GRK4: variants seen among roughly 807,000 people sequenced by gnomAD.
GRK4 encodes G protein-coupled receptor kinase 4.
A neutral mutation model predicts 77.9 loss-of-function variants in GRK4; 73 were observed. That is an observed-to-expected ratio of 0.94 (90% CI 0.78 to 1.14). The LOEUF is 1.14. Among genes scored for constraint, GRK4 ranks in the 50% most tolerant of loss-of-function variants. The pLI, the probability that GRK4 is intolerant of heterozygous loss-of-function variation, is 0.00. For synonymous variants in GRK4, 257 were observed against 254.4 expected (o/e 1.01, Z -0.10); for missense variants, 729 against 700.2 (o/e 1.04, Z -0.46).
chr4:2,995,835 T>C (rs1727703749), intron 4 of GRK4, among the ~76,000 whole-genome samples: 1 of 152,080 alleles, frequency 6.6e-6, no homozygotes, highest in African/African-American at 2.4e-5. Context: ...TGACCCGAAT[T>C]CTCACTGGTT....
chr4:3,038,568 T>A (rs1464308834), intron 15 of GRK4, 55 bp downstream of exon 15: 12 of 1,294,452 alleles, frequency 9.3e-6, no homozygotes, highest in Non-Finnish European at 1.3e-5. Flanking sequence ...AAAAAAAACA[T>A]ACTGACTGCC....
intron 15 of GRK4, among the ~76,000 whole-genome samples, chr4:3,039,717 A>AAAT (rs397788826): frequency 2.0e-5 from 3 of 148,360 alleles, no homozygotes; most frequent in Admixed American, 1.3e-4. Flanking sequence ...AAAAAAAAAA[A>AAAT]GGAAAAAAAA....
chr4:3,030,020 C>G (rs1324925609), intron 12 of GRK4, among the ~76,000 whole-genome samples: 2 of 152,122 alleles, frequency 1.3e-5, no homozygotes, highest in Non-Finnish European at 2.9e-5. Context: ...AATAGCCAAG[C>G]CTTGTTTCAT....
At chr4:2,980,021 T>C (rs1359806805) in intron 1 of GRK4, among the ~76,000 whole-genome samples, 1 of 152,222 alleles carries the variant, frequency 6.6e-6, no homozygotes, top group East Asian at 1.9e-4. Flanking sequence ...ATGGTTCTTA[T>C]CTCAGACATG....
At chr4:3,000,809 C>T (rs912527777) in intron 4 of GRK4, among the ~76,000 whole-genome samples, 1 of 152,016 alleles carries the variant, frequency 6.6e-6, no homozygotes, top group Non-Finnish European at 1.5e-5. Context: ...ACCTCGTGAT[C>T]TGCCCACCTC....
At chr4:3,001,736 T>C (rs1011022462) in intron 4 of GRK4, among the ~76,000 whole-genome samples, 10 of 152,210 alleles carry the variant, frequency 6.6e-5, no homozygotes, top group African/African-American at 2.4e-4. Flanking sequence ...TCATGATTAA[T>C]TGTGATAATA....
rs192848474 is a variant in GRK4 at position 3,009,199 on chromosome 4, A to C, written c.537-449A>C. ...GCACTTTGGGAGGCTGAGGCGGGTG[A>C]ATCATGAGGTCAGGAGTTCGAGACC... On this transcript the variant is annotated intron_variant, in intron 6 of 15. Coordinates refer to ENST00000398052, the MANE Select transcript of GRK4 (RefSeq NM_182982.3). 8.3e-4 allele frequency among the ~76,000 whole-genome samples: 127 copies of C among 152,100 alleles called. 1 individual carries two copies. The highest frequency in any genetic ancestry group is 2.6e-3 in the Admixed American group (40 of 15,266).
rs1255134348 is a variant in GRK4, at chr4:2,984,650, G to A, written c.148+42G>A. On this transcript the variant is annotated intron_variant, in intron 2 of 15. Coordinates refer to ENST00000398052, the MANE Select transcript of GRK4 (RefSeq NM_182982.3). ...TACTAATGCTTGGATGGTACATCTG[G>A]CATGATACCATTCATTAGATGTTAT... is the stretch of plus-strand genomic sequence containing the variant. 3 of 1,026,118 alleles carry A rather than the reference G, an allele frequency of 2.9e-6. No individual in the cohort carries two copies. The African/African-American group carries it at 4.8e-5, about 16-fold the overall frequency. The allele number at this position is 1,026,118 out of a possible 1,614,324, so 63.6% of individuals were successfully genotyped here. A position where few individuals can be genotyped will look rare whatever the true frequency, so the allele number is the denominator to read the frequency against.
intron 1 of GRK4, among the ~76,000 whole-genome samples, chr4:2,976,631 C>CTTTTTTTTTTTTTT (rs769469513): frequency 5.1e-5 from 6 of 117,350 alleles, no homozygotes; most frequent in East Asian, 2.4e-4. Context: ...TTCTTTCTTT[C>CTTTTTTTTTTTTTT]TTTTTTTTTT....
chr4:2,968,050 C>G (rs987012888), intron 1 of GRK4, among the ~76,000 whole-genome samples: 1 of 151,412 alleles, frequency 6.6e-6, no homozygotes. Context: ...CTCAGCCTCC[C>G]AAAGTACTGG....
At chr4:3,025,624 C>T (rs1013002652) in intron 10 of GRK4, among the ~76,000 whole-genome samples, 2 of 151,822 alleles carry the variant, frequency 1.3e-5, no homozygotes, top group African/African-American at 4.8e-5. Context: ...GATCTCCTGA[C>T]CTTGTGATCC....
Position 2,964,030 on chromosome 4 carries a change from C to T in GRK4, c.-41C>T, listed in dbSNP as rs1716546319. 1 of 1,593,896 alleles carries T rather than the reference C, an allele frequency of 6.3e-7. No individual in the cohort carries two copies. The highest frequency in any genetic ancestry group is 8.6e-7 in the Non-Finnish European group (1 of 1,168,852). On this transcript the variant is annotated 5_prime_UTR_variant, in exon 1 of 16. Transcript: ENST00000398052. ...CCTCCTGTTCCGCCTCCTCAGTCTCCTCGGTCTCGCAGAATCCGCCGGCGG... is the reference window on the plus strand; with the variant it reads ...CCTCCTGTTCCGCCTCCTCAGTCTCTTCGGTCTCGCAGAATCCGCCGGCGG...
chr4:3,008,399 T>C (rs1731924095), intron 6 of GRK4, among the ~76,000 whole-genome samples: 1 of 152,162 alleles, frequency 6.6e-6, no homozygotes, highest in South Asian at 2.1e-4. Context: ...GTTCTATAAA[T>C]TACAGGTAAT....
chr4:2,975,330 A>G lies in GRK4; in HGVS notation c.53-9183A>G, dbSNP rs545305273. Among the ~76,000 whole-genome samples, 31 of 152,186 alleles carry G rather than the reference A, an allele frequency of 2.0e-4. No individual in the cohort carries two copies. In the South Asian group the frequency reaches 6.0e-3, roughly 30 times the overall value. On this transcript the variant is annotated intron_variant, in intron 1 of 15. Transcript: ENST00000398052. ...AAAAGACCGGAAAGACCTCTGCTCT[A>G]TTTCCTCCATGAGGGCCAGACGTGG...
At chr4:3,002,368 C>T (rs1467634545) in intron 4 of GRK4, among the ~76,000 whole-genome samples, 1 of 152,020 alleles carries the variant, frequency 6.6e-6, no homozygotes, top group Non-Finnish European at 1.5e-5. Flanking sequence ...CTTTTGTAGG[C>T]CAAGGTGGGC....
intron 8 of GRK4, among the ~76,000 whole-genome samples, chr4:3,015,141 C>A (rs144011607): frequency 6.6e-6 from 1 of 152,170 alleles, no homozygotes; most frequent in Non-Finnish European, 1.5e-5. Context: ...CCAGGCTTTA[C>A]GGTGTGCATT....
intron 1 of GRK4, among the ~76,000 whole-genome samples, chr4:2,981,777 CCCTGCCCCTTTCTACCCAGGAG>C (rs1426619019): frequency 6.6e-6 from 1 of 152,234 alleles, no homozygotes; most frequent in Non-Finnish European, 1.5e-5. Context: ...TCACTGGGGA[CCCTGCCCCTTTCTACCCAGGAG>C]CCTGTCTGCC....
chr4:3,009,806 G>C, intron 7 of GRK4, 95 bp downstream of exon 7: 1 of 808,516 alleles, frequency 1.2e-6, no homozygotes, highest in Non-Finnish European at 2.1e-6. Context: ...AGCTCTCCCA[G>C]TACACTGTTG....
chr4:3,037,579 G>GTC (rs1741116689), intron 14 of GRK4, 68 bp downstream of exon 14: 5 of 1,499,824 alleles, frequency 3.3e-6, no homozygotes, highest in African/African-American at 1.5e-5. Flanking sequence ...GGGTGTGTGT[G>GTC]TGTCCGTGTG....
Sources: allele counts gnomAD v4.1 joint callset (sites outside exome capture counted in the v4.1 genomes callset), GRCh38; gene constraint gnomAD v4.1.1; transcripts MANE v1.5; gene names NCBI Gene and HGNC (gene_info 2026-07-23, HGNC 2026-07-21).